Variants in USH2A observed in about 807,000 individuals in gnomAD.
USH2A encodes the protein Usher syndrome 2A (autosomal recessive, mild).
A neutral mutation model predicts 538.9 loss-of-function variants in USH2A; 443 were observed. That is an observed-to-expected ratio of 0.82 (90% CI 0.76 to 0.89). The LOEUF is 0.89. Ranked by LOEUF, USH2A falls within the 40% of genes least tolerant of loss-of-function variation. The probability of loss-of-function intolerance (pLI) is 0.00; values close to 1 mark genes in which losing one functional copy is unlikely to be tolerated. For missense variants in USH2A, 6,633 were observed against 6,324.8 expected, an observed-to-expected ratio of 1.05 and a Z score of -1.65; for synonymous variants, 2,413 against 2,273.5, an observed-to-expected ratio of 1.06 and a Z score of -1.75.
chr1:216,178,086 T>C (rs974637559), intron 20 of USH2A, among the ~76,000 whole-genome samples: 1 of 152,138 alleles, frequency 6.6e-6, no homozygotes, highest in Non-Finnish European at 1.5e-5. Context: ...TTAGAACAAT[T>C]AGTATTTGTT....
In USH2A at chr1:216,048,530, T is replaced by C. The variant is rs766304482; in HGVS notation, c.6163+4A>G. The stretch of plus-strand genomic sequence containing the variant: ...GGAAGTCAAGACCTTTGAAATTACT[T>C]TACCTTCTTGTGGAGTAGAGATGTT... On this transcript the variant is annotated splice_donor_region_variant and intron_variant, in intron 31 of 71. Coordinates refer to ENST00000307340, the MANE Select transcript of USH2A (RefSeq NM_206933.4). The C allele has an allele frequency of 2.5e-6, 4 of 1,613,236 alleles. No homozygotes were observed. In the South Asian group the frequency reaches 4.4e-5, roughly 18 times the overall value.
chr1:216,110,983 T>C lies in USH2A; in HGVS notation c.4628-13770A>G, dbSNP rs373776080. Among the ~76,000 whole-genome samples the C allele has an allele frequency of 5.4e-4, 82 of 152,260 alleles. 1 individual carries two copies. The South Asian group carries it at 0.017, about 31-fold the overall frequency. On this transcript the variant is annotated intron_variant, in intron 21 of 71. Transcript: ENST00000307340. ...GCTCACGCCTGTAATCCCAGCACTT[T>C]GGGAGGTCAAGGCAAGCGGATCACT...
chr1:216,255,687 G>T (rs1267529177), intron 11 of USH2A, among the ~76,000 whole-genome samples: 1 of 152,154 alleles, frequency 6.6e-6, no homozygotes, highest in African/African-American at 2.4e-5. Flanking sequence ...GGCCTGAAAA[G>T]TAGGTGTAGT....
At chr1:216,211,551 T>G (rs2035241392) in intron 15 of USH2A, among the ~76,000 whole-genome samples, 1 of 152,200 alleles carries the variant, frequency 6.6e-6, no homozygotes, top group Non-Finnish European at 1.5e-5. Context: ...AAAGACAAAG[T>G]CTGATCCTAA....
At chr1:216,164,659 C>CA (rs1245264740) in intron 21 of USH2A, among the ~76,000 whole-genome samples, 1 of 151,854 alleles carries the variant, frequency 6.6e-6, no homozygotes, top group Non-Finnish European at 1.5e-5. Flanking sequence ...ACAATGACAA[C>CA]AAAAAACAGG....
In USH2A at chr1:216,421,866, C is replaced by T; in HGVS notation, c.471G>A (p.Glu157=). Residue 157 remains glutamate, a synonymous_variant, in exon 2 of 72, where the codon GAG becomes GAA. Coordinates refer to ENST00000307340, the MANE Select transcript of USH2A (RefSeq NM_206933.4). ...SFTLAVWLKP[E]QQGVMCVIEK... Reference sequence around the variant, plus strand: ...CTACTACTTACATTACACCTTGTTGCTCAGGTTTCAGCCATACAGCTAAGG... The same window carrying T: ...CTACTACTTACATTACACCTTGTTGTTCAGGTTTCAGCCATACAGCTAAGG... 1 of 1,613,908 alleles carries T rather than the reference C, an allele frequency of 6.2e-7. No individual in the cohort carries two copies. The highest frequency in any genetic ancestry group is 8.5e-7 in the Non-Finnish European group (1 of 1,179,882).
chr1:215,997,235 G>A (rs1013730112), intron 34 of USH2A, among the ~76,000 whole-genome samples: 1 of 152,100 alleles, frequency 6.6e-6, no homozygotes, highest in African/African-American at 2.4e-5. Flanking sequence ...TAGTGAACTT[G>A]AAAATAATGT....
intron 11 of USH2A, among the ~76,000 whole-genome samples, chr1:216,265,204 C>G (rs903529260): frequency 1.4e-5 from 2 of 141,002 alleles, no homozygotes; most frequent in Admixed American, 1.4e-4. Flanking sequence ...TCTGGACAGA[C>G]ATTTCTCAAA....
intron 52 of USH2A, among the ~76,000 whole-genome samples, chr1:215,784,721 C>T (rs1661745018): frequency 6.6e-6 from 1 of 152,154 alleles, no homozygotes; most frequent in Non-Finnish European, 1.5e-5. Flanking sequence ...GTGTGCTGAA[C>T]ATCTTTCATG....
chr1:215,845,856 C>T lies in USH2A; in HGVS notation c.9023G>A (p.Ser3008Asn), dbSNP rs2102823106. 2 of 1,613,876 alleles carry T rather than the reference C, an allele frequency of 1.2e-6. No homozygotes were observed. The highest frequency in any genetic ancestry group is 1.7e-4 in the Middle Eastern group (1 of 6,040). ...SVFNGVHSIN[S>N]AGLHATTCDG... ...GCAAGTGGTTGCATGAAGTCCTGCA[C>T]TGTTGATGCTGTGGACTCCATTGAA... The change falls in exon 45 of 72, where the codon AGT (serine) becomes AAT (asparagine). Residue 3008 changes from serine to asparagine, a missense_variant. Ser to Asn is a conservative substitution (Grantham distance 46). Transcript: ENST00000307340.
Position 215,998,237 on chromosome 1 carries a change from T to C in USH2A, c.6657+650A>G, listed in dbSNP as rs546055705. On this transcript the variant is annotated intron_variant, in intron 34 of 71. Coordinates refer to ENST00000307340, the MANE Select transcript of USH2A (RefSeq NM_206933.4). ...GTGCTATTAAACTTAAAAAAGATTA[T>C]ATTTCATCAAAAAACAAAAGGAATT... is the stretch of plus-strand genomic sequence containing the variant. 2.6e-5 allele frequency among the ~76,000 whole-genome samples: 4 copies of C among 152,226 alleles called. No homozygotes were observed. The South Asian group carries it at 6.2e-4, about 24-fold the overall frequency.
chr1:216,141,351 C>T (rs1204766988), intron 21 of USH2A, among the ~76,000 whole-genome samples: 1 of 152,182 alleles, frequency 6.6e-6, no homozygotes. Flanking sequence ...CTGTGGGCTC[C>T]CTGGGGAAGG....
At chr1:215,819,689 G>A (rs1662958128) in intron 47 of USH2A, among the ~76,000 whole-genome samples, 1 of 151,768 alleles carries the variant, frequency 6.6e-6, no homozygotes, top group Non-Finnish European at 1.5e-5. Flanking sequence ...AACTAGTAAA[G>A]TCTAGAAAAT....
intron 57 of USH2A, 112 bp downstream of exon 57, chr1:215,759,548 G>A: frequency 7.5e-7 from 1 of 1,325,770 alleles, no homozygotes; most frequent in Non-Finnish European, 1.1e-6. Flanking sequence ...GCCAATGAAT[G>A]AGGAAGTTAA....
intron 55 of USH2A, among the ~76,000 whole-genome samples, chr1:215,779,471 C>T (rs1318483621): frequency 6.6e-6 from 1 of 152,140 alleles, no homozygotes; most frequent in African/African-American, 2.4e-5. Context: ...TAACCTCTGG[C>T]TGATTTTCCC....
At chr1:215,650,349 T>A (rs1407188640) in intron 65 of USH2A, among the ~76,000 whole-genome samples, 1 of 152,180 alleles carries the variant, frequency 6.6e-6, no homozygotes, top group Non-Finnish European at 1.5e-5. Flanking sequence ...TTCTTACGTT[T>A]GTGGAGTCTT....
Position 216,068,403 on chromosome 1 carries a change from A to G in USH2A, c.6049+1698T>C, listed in dbSNP as rs1303079921. Among the ~76,000 whole-genome samples the G allele has an allele frequency of 2.6e-5, 4 of 152,166 alleles. No individual in the cohort carries two copies. The East Asian group carries it at 7.7e-4, about 29-fold the overall frequency. The stretch of plus-strand genomic sequence containing the variant: ...GAATCCACCCAGTCAGTGGTTCTCA[A>G]ATGCTGGCATACATCAGATGTATCT... On this transcript the variant is annotated intron_variant, in intron 30 of 71. Transcript: ENST00000307340.
At chr1:215,730,069 G>A (rs1341127097) in intron 60 of USH2A, among the ~76,000 whole-genome samples, 2 of 152,072 alleles carry the variant, frequency 1.3e-5, no homozygotes, top group East Asian at 3.9e-4. Context: ...TTGTTGATAG[G>A]GAAACTAGGG....
intron 9 of USH2A, among the ~76,000 whole-genome samples, chr1:216,320,065 A>AT (rs1298417855): frequency 6.6e-6 from 1 of 152,112 alleles, no homozygotes; most frequent in Non-Finnish European, 1.5e-5. Flanking sequence ...AAATATAAGC[A>AT]TTTTATATAG....
Sources: allele counts gnomAD v4.1 joint callset (sites outside exome capture counted in the v4.1 genomes callset), GRCh38; gene constraint gnomAD v4.1.1; transcripts MANE v1.5; gene names NCBI Gene and HGNC (gene_info 2026-07-23, HGNC 2026-07-21).